CFAP52: variants seen among roughly 807,000 people sequenced by gnomAD.
The protein encoded by CFAP52 is cilia and flagella associated protein 52, also known as cilia- and flagella-associated protein 52.
A neutral mutation model predicts 70.5 loss-of-function variants in CFAP52; 57 were observed. The ratio of observed to expected loss-of-function variants is 0.81; its 90% CI spans 0.65 to 1.01. The LOEUF is 1.01. Among genes scored for constraint, CFAP52 ranks in the 50% least tolerant of loss-of-function variants. The probability of loss-of-function intolerance (pLI) is 0.00; values close to 1 mark genes in which losing one functional copy is unlikely to be tolerated. For missense variants in CFAP52, 785 were observed against 788.5 expected (o/e 1.00, Z 0.05); for synonymous variants, 267 against 292.5 (o/e 0.91, Z 0.89).
chr17:9,612,002 C>T (rs1909730892), intron 7 of CFAP52, among the ~76,000 whole-genome samples: 1 of 152,168 alleles, frequency 6.6e-6, no homozygotes, highest in African/African-American at 2.4e-5. Flanking sequence ...TTGCTGTGGT[C>T]ATTTGTACCC....
At chr17:9,642,990 C>G (rs749965991) in intron 13 of CFAP52, 33 bp from the exon 14 acceptor site, 1 of 1,522,980 alleles carries the variant, frequency 6.6e-7, no homozygotes, top group East Asian at 2.4e-5. Flanking sequence ...TCTCCTATTG[C>G]AGCAATGCCA....
chr17:9,633,059 A>G (rs2151950542), intron 10 of CFAP52, 26 bp downstream of exon 10: 1 of 1,610,604 alleles, frequency 6.2e-7, no homozygotes, highest in Middle Eastern at 1.7e-4. Flanking sequence ...ATTTGAAAAA[A>G]TAACGCTCTG....
chr17:9,624,038 G>A (rs1490294077), intron 8 of CFAP52, among the ~76,000 whole-genome samples: 1 of 152,062 alleles, frequency 6.6e-6, no homozygotes, highest in Admixed American at 6.6e-5. Context: ...ACTTTCTAAT[G>A]AGAAGTCATT....
intron 1 of CFAP52, among the ~76,000 whole-genome samples, chr17:9,580,483 T>A (rs1025286651): frequency 1.3e-5 from 2 of 150,358 alleles, no homozygotes; most frequent in Non-Finnish European, 3.0e-5. Context: ...AGGCCAGGAG[T>A]TTGAGACCAG....
At chr17:9,630,303 G>A (rs1910417047) in intron 9 of CFAP52, among the ~76,000 whole-genome samples, 1 of 150,970 alleles carries the variant, frequency 6.6e-6, no homozygotes, top group Non-Finnish European at 1.5e-5. Context: ...TCAGGGCCAG[G>A]CGCGGTGGCT....
At chr17:9,623,725 G>T (rs1320878474) in intron 8 of CFAP52, among the ~76,000 whole-genome samples, 1 of 151,952 alleles carries the variant, frequency 6.6e-6, no homozygotes, top group Non-Finnish European at 1.5e-5. Flanking sequence ...TCACTCTGTT[G>T]CCCAGGATGG....
Position 9,634,314 on chromosome 17 carries a change from T to C in CFAP52, c.1321-1091T>C, listed in dbSNP as rs190299710. 1.2e-4 allele frequency among the ~76,000 whole-genome samples: 19 copies of C among 152,318 alleles called. No homozygotes were observed. The East Asian group carries it at 3.1e-3, about 25-fold the overall frequency. Reference sequence around the variant, plus strand: ...AGAAGGCGTAAGCATCTGACTACTATGTTTTCTGGTGTAGTTGTGACAGAT... The same window carrying C: ...AGAAGGCGTAAGCATCTGACTACTACGTTTTCTGGTGTAGTTGTGACAGAT... On this transcript the variant is annotated intron_variant, in intron 10 of 13. Coordinates refer to ENST00000352665, the MANE Select transcript of CFAP52 (RefSeq NM_145054.5).
At chr17:9,586,423 C>T (rs527794501) in intron 2 of CFAP52, among the ~76,000 whole-genome samples, 5 of 151,962 alleles carry the variant, frequency 3.3e-5, no homozygotes, top group South Asian at 2.1e-4. Flanking sequence ...ATTAGCAGGG[C>T]GTGCTGGTGC....
intron 11 of CFAP52, among the ~76,000 whole-genome samples, chr17:9,637,856 G>A (rs1011176903): frequency 2.6e-5 from 4 of 152,194 alleles, no homozygotes; most frequent in African/African-American, 7.2e-5. Context: ...GATTGTAGGC[G>A]TGAGCTGCTG....
In CFAP52 at chr17:9,612,364, C is replaced by A. The variant is rs1909746014; in HGVS notation, c.910C>A (p.Gln304Lys). Residue 304 changes from glutamine (Q) to lysine (K), a missense_variant, in exon 8 of 14, where the codon CAG becomes AAG. By Grantham distance (53) the Gln-to-Lys change is moderately conservative. Coordinates refer to ENST00000352665, the MANE Select transcript of CFAP52 (RefSeq NM_145054.5). ...TATCACACTTCGAGGAGAAGGACAC[C>A]AGTTTCTCGTAGGAACAGAAGAATC... Reference protein sequence around the residue: ...TSITLRGEGHQFLVGTEESHI... With the variant: ...TSITLRGEGHKFLVGTEESHI... 6.2e-7 allele frequency: 1 copy of A among 1,614,062 alleles called. No homozygotes were observed. The highest frequency in any genetic ancestry group is 8.5e-7 in the Non-Finnish European group (1 of 1,180,042).
At chr17:9,577,367 A>G (rs1908007500) in intron 1 of CFAP52, among the ~76,000 whole-genome samples, 1 of 152,220 alleles carries the variant, frequency 6.6e-6, no homozygotes, top group Admixed American at 6.5e-5. Flanking sequence ...TAAAGCGGAG[A>G]GAAAAAGGGA....
intron 3 of CFAP52, 135 bp from the exon 4 acceptor site, chr17:9,594,058 G>T (rs1031428249): frequency 7.9e-7 from 1 of 1,263,028 alleles, no homozygotes; most frequent in Non-Finnish European, 1.1e-6. Context: ...TGTCAGGGGT[G>T]GGGTAATTTT....
rs552524582 is a variant in CFAP52 at position 9,625,206 on chromosome 17, A to G, written c.1026-3466A>G. On this transcript the variant is annotated intron_variant, in intron 8 of 13. Transcript: ENST00000352665. ...AGAATCCTTAAAAAAAATCAATTAA[A>G]AAAAAAACACAGTAGAATCCTCCCT... Among the ~76,000 whole-genome samples, 105 of 152,180 alleles carry G rather than the reference A, an allele frequency of 6.9e-4. 1 individual carries two copies. Among genetic ancestry groups the G allele is most frequent in the Non-Finnish European group, 5.7e-4 (39 of 68,002 alleles).
At chr17:9,590,960 T>TTC (rs1286629513) in intron 3 of CFAP52, among the ~76,000 whole-genome samples, 1 of 151,766 alleles carries the variant, frequency 6.6e-6, no homozygotes, top group Non-Finnish European at 1.5e-5. Context: ...CCCATCTAGC[T>TTC]TCTACACAGA....
rs1294915894 is a variant in CFAP52 at position 9,631,044 on chromosome 17, G to GAAAGAAAGAA, written c.1175-1843_1175-1842insAAGAAAGAAA. Among the ~76,000 whole-genome samples, 152 of 21,160 alleles carry GAAAGAAAGAA rather than the reference G, an allele frequency of 7.2e-3. 4 individuals are homozygous for GAAAGAAAGAA. The highest frequency in any genetic ancestry group is 0.033 in the East Asian group (19 of 574). The allele number at this position is 21,160 out of a possible 152,430, so 13.9% of individuals were successfully genotyped here. A position where few individuals can be genotyped will look rare whatever the true frequency, so the allele number is the denominator to read the frequency against. Reference sequence around the variant, plus strand: ...AAAGAAAGAAAGAGAGAGAGAGAGAGAGAGAGAGAGAAAGAAAGAAAGAAA... The same window carrying GAAAGAAAGAA: ...AAAGAAAGAAAGAGAGAGAGAGAGAGAAAGAAAGAAAGAGAGAGAGAAAGAAAGAAAGAAA... On this transcript the variant is annotated intron_variant, in intron 9 of 13. Transcript: ENST00000352665.
At chr17:9,642,639 A>C (rs1330026239) in intron 13 of CFAP52, among the ~76,000 whole-genome samples, 3 of 152,200 alleles carry the variant, frequency 2.0e-5, no homozygotes. Context: ...ATAAGTAAAA[A>C]ATAAATAAAT....
At chr17:9,631,572 G>A (rs145922964) in intron 9 of CFAP52, among the ~76,000 whole-genome samples, 449 of 152,200 alleles carry the variant, frequency 3.0e-3, no homozygotes, top group Non-Finnish European at 4.8e-3. Context: ...TCGCTTGGTG[G>A]ATTTGAGGAA....
At chr17:9,592,331 T>C (rs1908801163) in intron 3 of CFAP52, among the ~76,000 whole-genome samples, 1 of 151,876 alleles carries the variant, frequency 6.6e-6, no homozygotes, top group Non-Finnish European at 1.5e-5. Context: ...CTGGGCGTGG[T>C]GGTGGTGGGC....
chr17:9,576,818 T>C, intron 1 of CFAP52, 53 bp downstream of exon 1: 1 of 1,581,188 alleles, frequency 6.3e-7, no homozygotes, highest in East Asian at 2.3e-5. Flanking sequence ...GGAGGACGTG[T>C]AGTGCAAACA....
Sources: gnomAD v4.1 joint callset for allele counts (sites outside exome capture counted in the v4.1 genomes callset) on GRCh38, gnomAD v4.1.1 for gene constraint, MANE v1.5 for transcripts, NCBI Gene and HGNC (gene_info 2026-07-23, HGNC 2026-07-21) for gene names.